The following CADPS variants were observed in gnomAD, a reference collection of about 807,000 sequenced individuals.
CADPS encodes calcium dependent secretion activator.
A neutral mutation model predicts 167.3 loss-of-function variants in CADPS; 57 were observed. That is an observed-to-expected ratio of 0.34 (90% confidence interval 0.28 to 0.42). The LOEUF (loss-of-function observed/expected upper bound fraction) is 0.42, where lower values mean the gene tolerates loss of function less well. Among genes scored for constraint, CADPS ranks in the 20% least tolerant of loss-of-function variants. CADPS has a pLI of 1.00. For synonymous variants in CADPS, 676 were observed against 635.3 expected, an observed-to-expected ratio of 1.06 and a Z score of -0.96; for missense variants, 1,414 against 1,738.1, an observed-to-expected ratio of 0.81 and a Z score of 3.32.
At position 62,874,308 on chromosome 3, in the gene CADPS, G is replaced by A. The variant is rs1042357665; in HGVS notation, c.441+281C>T. Among the ~76,000 whole-genome samples the A allele has an allele frequency of 6.6e-6, 1 of 152,192 alleles. No homozygotes were observed. The highest frequency in any genetic ancestry group is 2.4e-5 in the African/African-American group (1 of 41,458). ...TCGGTCCACAAAGCGGGACCTGCCTGCCTCGCTCACCAACGCTCCCGGGCT... is the reference window on the plus strand; with the variant it reads ...TCGGTCCACAAAGCGGGACCTGCCTACCTCGCTCACCAACGCTCCCGGGCT... On this transcript the variant is annotated intron_variant, in intron 1 of 29. Coordinates refer to ENST00000383710, the MANE Select transcript of CADPS (RefSeq NM_003716.4). The surrounding 1 kb of genome is among the most constrained non-coding windows in gnomAD (Gnocchi z 7.1).
In CADPS at chr3:62,420,299, G is replaced by C. The variant is rs1201941376; in HGVS notation, c.3778-17114C>G. ...AGTCCTCTAGACAGTTTTGAAACTA[G>C]ATCTATTTCAATTCAATGAACATGA... On this transcript the variant is annotated intron_variant, in intron 28 of 29. Transcript: ENST00000383710. This position sits in a 1 kb window ranked among gnomAD's most constrained non-coding sequence, Gnocchi z 4.1. 6.6e-6 allele frequency among the ~76,000 whole-genome samples: 1 copy of C among 152,186 alleles called. No individual in the cohort carries two copies. Among genetic ancestry groups the C allele is most frequent in the African/African-American group, 2.4e-5 (1 of 41,452 alleles).
At chr3:62,661,492 G>T (rs1198919799) in intron 4 of CADPS, among the ~76,000 whole-genome samples, 1 of 152,104 alleles carries the variant, frequency 6.6e-6, no homozygotes, top group African/African-American at 2.4e-5. Flanking sequence ...GTTGGACTCG[G>T]GAGTTCCGGT....
chr3:62,764,380 C>T (rs1300590706), intron 2 of CADPS, among the ~76,000 whole-genome samples: 2 of 152,018 alleles, frequency 1.3e-5, no homozygotes, highest in South Asian at 2.1e-4. Flanking sequence ...CACTCATTGG[C>T]GATAATGAAT....
intron 1 of CADPS, among the ~76,000 whole-genome samples, chr3:62,792,355 C>T (rs1199443073): frequency 6.6e-6 from 1 of 151,722 alleles, no homozygotes; most frequent in African/African-American, 2.4e-5. Flanking sequence ...AGGCATGCAC[C>T]CCCATGCCTG....
intron 2 of CADPS, among the ~76,000 whole-genome samples, chr3:62,759,498 C>T (rs2084853473): frequency 6.6e-6 from 1 of 152,064 alleles, no homozygotes; most frequent in African/African-American, 2.4e-5. Flanking sequence ...AGGAACATGG[C>T]TCTGGATTTA....
At chr3:62,829,732 G>T (rs2074723895) in intron 1 of CADPS, among the ~76,000 whole-genome samples, 1 of 152,086 alleles carries the variant, frequency 6.6e-6, no homozygotes, top group Admixed American at 6.6e-5. Flanking sequence ...GCTATTATTG[G>T]CTCTCTGGCT....
chr3:62,712,156 G>A (rs1031410135), intron 3 of CADPS, among the ~76,000 whole-genome samples: 2 of 152,026 alleles, frequency 1.3e-5, no homozygotes, highest in African/African-American at 4.8e-5. Flanking sequence ...TAAAAATAAT[G>A]TATATTTGTG....
At position 62,494,189 on chromosome 3, in the gene CADPS, C is replaced by T. The variant is rs572451108; in HGVS notation, c.2707-524G>A. 2.4e-4 allele frequency among the ~76,000 whole-genome samples: 37 copies of T among 152,286 alleles called. No homozygotes were observed. The South Asian group carries it at 7.1e-3, about 29-fold the overall frequency. On this transcript the variant is annotated intron_variant, in intron 18 of 29. Coordinates refer to ENST00000383710, the MANE Select transcript of CADPS (RefSeq NM_003716.4). The stretch of plus-strand genomic sequence containing the variant: ...ACAGATTCCAATATTTGGGTCTGAA[C>T]CGATGAGGTTTTATTGTAGTTTCAC...
chr3:62,845,305 T>A (rs764033778), intron 1 of CADPS, among the ~76,000 whole-genome samples: 2 of 152,158 alleles, frequency 1.3e-5, no homozygotes, highest in Non-Finnish European at 2.9e-5. Context: ...TTTCCCCAGA[T>A]AGAAGTGTTA....
intron 6 of CADPS, among the ~76,000 whole-genome samples, chr3:62,603,494 C>T (rs2060258383): frequency 6.6e-6 from 1 of 152,176 alleles, no homozygotes. Context: ...ATGTATACCA[C>T]ACTTTATGCA....
chr3:62,495,848 G>A (rs972829908), intron 18 of CADPS, among the ~76,000 whole-genome samples: 12 of 152,154 alleles, frequency 7.9e-5, no homozygotes, highest in African/African-American at 2.4e-4. Flanking sequence ...ACCATATACC[G>A]CATGTGTGTG....
chr3:62,845,857 G>C (rs1250954121), intron 1 of CADPS, among the ~76,000 whole-genome samples: 1 of 152,106 alleles, frequency 6.6e-6, no homozygotes, highest in East Asian at 1.9e-4. Context: ...TGCTTTGATA[G>C]TTATATCTAG....
At chr3:62,603,034 A>G (rs987402432) in intron 6 of CADPS, among the ~76,000 whole-genome samples, 2 of 152,202 alleles carry the variant, frequency 1.3e-5, no homozygotes, top group African/African-American at 4.8e-5. Context: ...ATATTTAAAT[A>G]GGGTGGAACA....
chr3:62,641,515 C>T (rs1161140364), intron 6 of CADPS, among the ~76,000 whole-genome samples: 1 of 152,114 alleles, frequency 6.6e-6, no homozygotes, highest in Non-Finnish European at 1.5e-5. Flanking sequence ...ATTCCAAATG[C>T]TTTGGAATCC....
intron 1 of CADPS, among the ~76,000 whole-genome samples, chr3:62,784,491 C>T (rs910718866): frequency 6.6e-6 from 1 of 152,074 alleles, no homozygotes; most frequent in African/African-American, 2.4e-5. Context: ...CAGATGTAGG[C>T]AATTGTCACT....
rs552734349 is a variant in CADPS, at chr3:62,718,954, T to C, written c.888+34487A>G. Among the ~76,000 whole-genome samples the C allele has an allele frequency of 2.0e-5, 3 of 152,290 alleles. No individual in the cohort carries two copies. In the East Asian group the frequency reaches 5.8e-4, roughly 29 times the overall value. On this transcript the variant is annotated intron_variant, in intron 3 of 29. Transcript: ENST00000383710. ...GATATTTGCTTTAAAATGTCACAGG[T>C]AAAGTATGGACCTGTGACTATAGAA...
Position 62,645,685 on chromosome 3 carries a change from C to A in CADPS, c.1325+37G>T, listed in dbSNP as rs375500165. On this transcript the variant is annotated intron_variant, in intron 6 of 29. Coordinates refer to ENST00000383710, the MANE Select transcript of CADPS (RefSeq NM_003716.4). ...GCCAAAATGGAACTAATGGCAGCAA[C>A]CCTCTATAAGATGGACCCTGGAGAA... The A allele has an allele frequency of 3.7e-6, 6 of 1,609,142 alleles. No individual in the cohort carries two copies. The Admixed American group carries it at 6.8e-5, about 18-fold the overall frequency.
At chr3:62,506,356 C>G (rs956831241) in intron 17 of CADPS, among the ~76,000 whole-genome samples, 15 of 152,108 alleles carry the variant, frequency 9.9e-5, no homozygotes, top group Non-Finnish European at 1.8e-4. Flanking sequence ...CCACTGCACT[C>G]CAGCCTGGGT....
intron 21 of CADPS, among the ~76,000 whole-genome samples, chr3:62,485,164 C>T (rs1249909754): frequency 1.3e-5 from 2 of 152,118 alleles, no homozygotes; most frequent in East Asian, 1.9e-4. Flanking sequence ...AAGCGCCACC[C>T]TCCCACCTGA....
Sources: allele counts gnomAD v4.1 joint callset (sites outside exome capture counted in the v4.1 genomes callset), GRCh38; gene constraint gnomAD v4.1.1; non-coding constraint Gnocchi (gnomAD v3.1); transcripts MANE v1.5; gene names NCBI Gene and HGNC (gene_info 2026-07-23, HGNC 2026-07-21).